Variants in MBD2 observed in about 807,000 individuals in gnomAD.
The protein encoded by MBD2 is methyl-CpG-binding domain protein 2.
A neutral mutation model predicts 39.3 loss-of-function variants in MBD2; 9 were observed. That is an observed-to-expected ratio of 0.23 (90% CI 0.14 to 0.40). The LOEUF is 0.40. Among genes scored for constraint, MBD2 ranks in the 10% least tolerant of loss-of-function variants. The pLI is 1.00. For synonymous variants in MBD2, 233 were observed against 211.1 expected (o/e 1.10, Z -0.90); for missense variants, 458 against 532.6 (o/e 0.86, Z 1.38).
rs1431166030 is a variant in MBD2, at chr18:54,154,054, T to G, written c.*1270A>C. 2 of 152,176 alleles carry G rather than the reference T, an allele frequency of 1.3e-5. No individual in the cohort carries two copies. The highest frequency in any genetic ancestry group is 2.9e-5 in the Non-Finnish European group (2 of 68,020). 9.4% of individuals were successfully genotyped at this position (152,176 alleles called of 1,614,324 possible). On this transcript the variant is annotated 3_prime_UTR_variant, in exon 7 of 7. Coordinates refer to ENST00000256429, the MANE Select transcript of MBD2 (RefSeq NM_003927.5). The stretch of plus-strand genomic sequence containing the variant: ...ATTGGTCATACCCCTGACTGCATCA[T>G]TTAGGTTCTAATTTTAAAAGAACTC...
intron 3 of MBD2, among the ~76,000 whole-genome samples, chr18:54,169,227 C>T (rs1216510471): frequency 6.6e-6 from 1 of 152,164 alleles, no homozygotes; most frequent in East Asian, 1.9e-4. Context: ...CTTTTCTTTC[C>T]AAGCCTGTTC....
At chr18:54,212,471 T>C (rs1481325309) in intron 1 of MBD2, among the ~76,000 whole-genome samples, 1 of 152,200 alleles carries the variant, frequency 6.6e-6, no homozygotes, top group African/African-American at 2.4e-5. Flanking sequence ...TGAATACTTA[T>C]TTATGAATGA....
chr18:54,160,858 G>C (rs552428849), intron 5 of MBD2, among the ~76,000 whole-genome samples: 2 of 152,008 alleles, frequency 1.3e-5, no homozygotes, highest in South Asian at 4.2e-4. Flanking sequence ...TGGCAGAGGA[G>C]GGAGGGTCAG....
chr18:54,153,863 T>C lies in MBD2; in HGVS notation c.*1461A>G, dbSNP rs2086036473. On this transcript the variant is annotated 3_prime_UTR_variant, in exon 7 of 7. Transcript: ENST00000256429. Reference sequence around the variant, plus strand: ...ATCAAAGTTGAGCGTAAATCAGGAATTCCAAGAAGTATTTATGTAGTTTGG... The same window carrying C: ...ATCAAAGTTGAGCGTAAATCAGGAACTCCAAGAAGTATTTATGTAGTTTGG... The C allele has an allele frequency of 6.6e-6, 1 of 152,184 alleles. No individual in the cohort carries two copies. The allele number at this position is 152,184 out of a possible 1,614,324, so 9.4% of individuals were successfully genotyped here.
At chr18:54,203,240 A>G (rs1599101063) in intron 2 of MBD2, 3 of 1,055,172 alleles carry the variant, frequency 2.8e-6, no homozygotes. Flanking sequence ...ACAGTAATCT[A>G]AAAGTACTCT....
At chr18:54,188,850 T>C (rs2086300665) in intron 3 of MBD2, 24 bp downstream of exon 3, 1 of 1,572,686 alleles carries the variant, frequency 6.4e-7, no homozygotes, top group Middle Eastern at 1.7e-4. Flanking sequence ...AAAAATAAGA[T>C]TGGAGAACGA....
At chr18:54,157,871 A>ATTCT (rs1384906474) in intron 6 of MBD2, among the ~76,000 whole-genome samples, 1 of 151,568 alleles carries the variant, frequency 6.6e-6, no homozygotes, top group Admixed American at 6.6e-5. Context: ...TGGTCACGTG[A>ATTCT]TTCTTTCTCC....
Position 54,209,923 on chromosome 18 carries a change from C to T in MBD2, c.543-4766G>A, listed in dbSNP as rs150306424. ...CTGCTGTAGGTCCTGGTCTCAGAAA[C>T]ACCAAGACTTAAAGTGACTAAGCTT... is the stretch of plus-strand genomic sequence containing the variant. On this transcript the variant is annotated intron_variant, in intron 1 of 6. Transcript: ENST00000256429. Among the ~76,000 whole-genome samples the T allele has an allele frequency of 7.9e-4, 120 of 152,338 alleles. 1 individual carries two copies. Among genetic ancestry groups the T allele is most frequent in the Admixed American group, 2.4e-3 (36 of 15,306 alleles).
In MBD2 at chr18:54,164,718, T is replaced by C. The variant is rs749297991; in HGVS notation, c.932-18A>G. 4 of 1,588,614 alleles carry C rather than the reference T, an allele frequency of 2.5e-6. No homozygotes were observed. The highest frequency in any genetic ancestry group is 3.5e-6 in the Non-Finnish European group (4 of 1,158,582). ...ACCAACTCCTGCAATGAGAAACAAG[T>C]ACTAGTTAAAGGAAATGTCTCAATG... On this transcript the variant is annotated intron_variant, in intron 4 of 6. Coordinates refer to ENST00000256429, the MANE Select transcript of MBD2 (RefSeq NM_003927.5).
chr18:54,174,274 A>AAT (rs2086196371), intron 3 of MBD2, among the ~76,000 whole-genome samples: 2 of 152,016 alleles, frequency 1.3e-5, no homozygotes, highest in Non-Finnish European at 2.9e-5. Context: ...AGGAAGCAAA[A>AAT]TCATGTCTAG....
chr18:54,202,104 A>T (rs1370487213), intron 2 of MBD2, among the ~76,000 whole-genome samples: 2 of 152,168 alleles, frequency 1.3e-5, no homozygotes, highest in Non-Finnish European at 2.9e-5. Context: ...GCACTTTGGG[A>T]GGCTGAGGTG....
At chr18:54,190,068 C>T (rs1393358661) in intron 2 of MBD2, among the ~76,000 whole-genome samples, 2 of 152,142 alleles carry the variant, frequency 1.3e-5, no homozygotes, top group African/African-American at 2.4e-5. Flanking sequence ...GGAGGCCAGA[C>T]TTACATAAAA....
At chr18:54,202,900 G>T in intron 2 of MBD2, 1 of 1,137,746 alleles carries the variant, frequency 8.8e-7, no homozygotes, top group Non-Finnish European at 1.3e-6. Flanking sequence ...GAAGCATTAT[G>T]GAGGAAAGGA....
intron 1 of MBD2, 107 bp from the exon 2 acceptor site, chr18:54,205,264 A>C: frequency 9.8e-7 from 1 of 1,016,064 alleles, no homozygotes; most frequent in Admixed American, 2.7e-5. Flanking sequence ...CTAATTTTAC[A>C]TATTTTTAAA....
At chr18:54,223,321 C>G (rs80242986) in intron 1 of MBD2, among the ~76,000 whole-genome samples, 4,098 of 152,262 alleles carry the variant, frequency 0.027, 186 homozygotes, top group African/African-American at 0.093. Context: ...TTTGTTGTGG[C>G]AGCTTTCCTT....
At chr18:54,210,038 G>A (rs1027089965) in intron 1 of MBD2, among the ~76,000 whole-genome samples, 3 of 152,024 alleles carry the variant, frequency 2.0e-5, no homozygotes, top group African/African-American at 7.2e-5. Flanking sequence ...AGTTCTCTCT[G>A]CCCATTATGA....
In MBD2 at chr18:54,193,531, T is replaced by G. The variant is rs544585257; in HGVS notation, c.703-4520A>C. ...CTAGTTGCAGGGAGGAACATAAAAA[T>G]AAATCTTTCTTATTTTTAAAAATTT... On this transcript the variant is annotated intron_variant, in intron 2 of 6. Transcript: ENST00000256429. 2.6e-4 allele frequency among the ~76,000 whole-genome samples: 40 copies of G among 152,208 alleles called. No homozygotes were observed. The Middle Eastern group carries it at 0.01, about 39-fold the overall frequency.
At chr18:54,174,022 A>G (rs1018758155) in intron 3 of MBD2, among the ~76,000 whole-genome samples, 2 of 152,190 alleles carry the variant, frequency 1.3e-5, no homozygotes, top group South Asian at 4.1e-4. Flanking sequence ...AACACAGACT[A>G]TATTTCTATG....
chr18:54,214,720 G>A (rs1257572714), intron 1 of MBD2, among the ~76,000 whole-genome samples: 5 of 148,704 alleles, frequency 3.4e-5, no homozygotes, highest in Admixed American at 1.3e-4. Context: ...AAATTTCCAC[G>A]AGGTAGAATT....
Sources: allele counts gnomAD v4.1 joint callset (sites outside exome capture counted in the v4.1 genomes callset), GRCh38; gene constraint gnomAD v4.1.1; transcripts MANE v1.5; gene names NCBI Gene and HGNC (gene_info 2026-07-23, HGNC 2026-07-21).